The following CARMIL1 variants were observed in gnomAD, a reference collection of about 807,000 sequenced individuals.
The protein encoded by CARMIL1 is F-actin-uncapping protein LRRC16A.
A neutral mutation model predicts 177.1 loss-of-function variants in CARMIL1; 90 were observed. The observed-to-expected ratio is 0.51, with a 90% CI of 0.43 to 0.61. The LOEUF (loss-of-function observed/expected upper bound fraction) is 0.61, where lower values mean the gene tolerates loss of function less well. Ranked by LOEUF, CARMIL1 falls within the 20% of genes least tolerant of loss-of-function variation. The pLI, the probability that CARMIL1 is intolerant of heterozygous loss-of-function variation, is 0.00. For missense variants in CARMIL1, 1,380 were observed against 1,667.0 expected (o/e 0.83, Z 3.00); for synonymous variants, 577 against 606.2 (o/e 0.95, Z 0.71).
chr6:25,483,948 A>G (rs914600703), intron 12 of CARMIL1, among the ~76,000 whole-genome samples: 1 of 151,894 alleles, frequency 6.6e-6, no homozygotes, highest in Admixed American at 6.6e-5. Context: ...TTTTGTAGAG[A>G]CAGAGTTTCC....
intron 2 of CARMIL1, among the ~76,000 whole-genome samples, chr6:25,367,597 A>T (rs1266441726): frequency 6.6e-6 from 1 of 152,138 alleles, no homozygotes; most frequent in Non-Finnish European, 1.5e-5. Context: ...GAGGAAGGTA[A>T]GGAGGGTAAG....
intron 26 of CARMIL1, among the ~76,000 whole-genome samples, chr6:25,549,886 A>G (rs1263768125): frequency 6.6e-6 from 1 of 152,196 alleles, no homozygotes; most frequent in East Asian, 1.9e-4. Context: ...AATATCTGTG[A>G]TATACTGAGC....
At chr6:25,472,911 C>T (rs1389980339) in intron 11 of CARMIL1, among the ~76,000 whole-genome samples, 1 of 152,106 alleles carries the variant, frequency 6.6e-6, no homozygotes, top group Non-Finnish European at 1.5e-5. Context: ...CAAGACAAGG[C>T]AAGTTGTCAG....
At chr6:25,525,177 T>C (rs969991604) in intron 23 of CARMIL1, among the ~76,000 whole-genome samples, 3 of 152,072 alleles carry the variant, frequency 2.0e-5, no homozygotes, top group African/African-American at 7.2e-5. Context: ...CCCATAGGCA[T>C]AGCAAATTCA....
chr6:25,428,649 C>T (rs527499596), intron 4 of CARMIL1, among the ~76,000 whole-genome samples: 4 of 152,254 alleles, frequency 2.6e-5, no homozygotes, highest in Admixed American at 2.6e-4. Flanking sequence ...AGTCTTCGGA[C>T]CTAAGAAAAC....
chr6:25,551,025 G>C lies in CARMIL1; in HGVS notation c.2444G>C (p.Arg815Pro), dbSNP rs200837661. 3.7e-6 allele frequency: 6 copies of C among 1,613,278 alleles called. No individual in the cohort carries two copies. The highest frequency in any genetic ancestry group is 8.5e-7 in the Non-Finnish European group (1 of 1,179,536). Residue 815 changes from arginine to proline, a missense_variant, in exon 27 of 37, where the codon CGT becomes CCT. By Grantham distance (103) the Arg-to-Pro change is moderately radical. Transcript: ENST00000329474. ...HASTEKISIP[R>P]TFVKNVLLEQ... is the part of the protein sequence containing the mutation. The stretch of plus-strand genomic sequence containing the variant: ...AGCACCGAAAAGATTTCTATTCCAC[G>C]TACCTTTGTTAAAAATGTCCTGTTG...
At position 25,577,479 on chromosome 6, in the gene CARMIL1, T is replaced by TG. The variant is rs900744573; in HGVS notation, c.2743-3439dup. ...TTTTTTCTTTCTACAGCCTTGGTGGTGGGGGGAAGTAATTATGGATTCTTG... is the reference window on the plus strand; with the variant it reads ...TTTTTTCTTTCTACAGCCTTGGTGGTGGGGGGGAAGTAATTATGGATTCTTG... On this transcript the variant is annotated intron_variant, in intron 29 of 36. Coordinates refer to ENST00000329474, the MANE Select transcript of CARMIL1 (RefSeq NM_017640.6). This position sits in a 1 kb window ranked among gnomAD's most constrained non-coding sequence, Gnocchi z 4.5. Among the ~76,000 whole-genome samples the TG allele has an allele frequency of 6.6e-6, 1 of 151,744 alleles. No individual in the cohort carries two copies. The highest frequency in any genetic ancestry group is 2.1e-4 in the South Asian group (1 of 4,784).
intron 2 of CARMIL1, among the ~76,000 whole-genome samples, chr6:25,315,987 C>T (rs1784243290): frequency 1.3e-5 from 2 of 152,206 alleles, no homozygotes; most frequent in African/African-American, 4.8e-5. Flanking sequence ...CACTGTAAGC[C>T]TACCCTATTT....
At chr6:25,334,775 C>G (rs1191517489) in intron 2 of CARMIL1, among the ~76,000 whole-genome samples, 1 of 152,106 alleles carries the variant, frequency 6.6e-6, no homozygotes, top group Non-Finnish European at 1.5e-5. Context: ...CAGTGTTAAC[C>G]TGAGGTCTTT....
At chr6:25,361,660 A>G (rs73383427) in intron 2 of CARMIL1, among the ~76,000 whole-genome samples, 7,408 of 152,222 alleles carry the variant, frequency 0.049, 259 homozygotes, top group Middle Eastern at 0.11. Context: ...GTGTCCGCCA[A>G]ATTTCATGTG....
intron 26 of CARMIL1, among the ~76,000 whole-genome samples, chr6:25,548,479 T>C (rs532842280): frequency 1.3e-5 from 2 of 152,336 alleles, no homozygotes; most frequent in African/African-American, 4.8e-5. Flanking sequence ...GTATATGTTT[T>C]ATCATATGTA....
At chr6:25,588,191 C>A (rs1231498855) in intron 31 of CARMIL1, among the ~76,000 whole-genome samples, 2 of 152,142 alleles carry the variant, frequency 1.3e-5, no homozygotes, top group Non-Finnish European at 2.9e-5. Flanking sequence ...ATTTTTGTAT[C>A]CTCAAGCGTC....
intron 15 of CARMIL1, among the ~76,000 whole-genome samples, chr6:25,492,523 G>A (rs1203477534): frequency 5.3e-5 from 8 of 152,198 alleles, no homozygotes; most frequent in Admixed American, 4.6e-4. Flanking sequence ...TTCACAGACA[G>A]TAGCAACTTA....
Position 25,537,971 on chromosome 6 carries a change from G to T in CARMIL1, c.2184G>T (p.Lys728Asn). 3.1e-6 allele frequency: 5 copies of T among 1,601,688 alleles called. No individual in the cohort carries two copies. Among genetic ancestry groups the T allele is most frequent in the Non-Finnish European group, 4.3e-6 (5 of 1,174,104 alleles). ...KSAERLMRDAKNSKTLLPNLY... is the reference protein window; with the variant it reads ...KSAERLMRDANNSKTLLPNLY... Reference sequence around the variant, plus strand: ...CAGAGCGGCTCATGCGTGATGCTAAGAACTCTAAAACGGTGAGTTTCACTT... The same window carrying T: ...CAGAGCGGCTCATGCGTGATGCTAATAACTCTAAAACGGTGAGTTTCACTT... Residue 728 changes from lysine to asparagine, a missense_variant, in exon 25 of 37, where the codon AAG becomes AAT. Coordinates refer to ENST00000329474, the MANE Select transcript of CARMIL1 (RefSeq NM_017640.6).
rs559080855 is a variant in CARMIL1 at position 25,546,685 on chromosome 6, A to C, written c.2329-4225A>C. 8.1e-3 allele frequency among the ~76,000 whole-genome samples: 1,230 copies of C among 150,924 alleles called. 13 individuals are homozygous for C. The highest frequency in any genetic ancestry group is 0.031 in the Middle Eastern group (9 of 292). On this transcript the variant is annotated intron_variant, in intron 26 of 36. Coordinates refer to ENST00000329474, the MANE Select transcript of CARMIL1 (RefSeq NM_017640.6). The stretch of plus-strand genomic sequence containing the variant: ...CAACAACAACAAAAAAAAAAAAAAA[A>C]AAAAAATTGTGTTTCTATATGTCAG...
intron 15 of CARMIL1, among the ~76,000 whole-genome samples, chr6:25,492,568 A>C (rs1441857013): frequency 6.6e-6 from 1 of 152,188 alleles, no homozygotes; most frequent in Non-Finnish European, 1.5e-5. Context: ...TTATCAGAGG[A>C]ATTATGAAAA....
chr6:25,466,088 A>G (rs572243427), intron 9 of CARMIL1, 140 bp downstream of exon 9: 85 of 623,082 alleles, frequency 1.4e-4, no homozygotes, highest in African/African-American at 1.2e-3. Context: ...TTTCCTTTAA[A>G]TGATTTGCGT....
intron 2 of CARMIL1, among the ~76,000 whole-genome samples, chr6:25,365,069 C>G (rs1789634430): frequency 6.6e-6 from 1 of 152,174 alleles, no homozygotes; most frequent in African/African-American, 2.4e-5. Context: ...AATAAAGTCT[C>G]TCTTGTTTTT....
intron 17 of CARMIL1, among the ~76,000 whole-genome samples, chr6:25,502,200 G>T (rs1271645503): frequency 6.7e-6 from 1 of 150,074 alleles, no homozygotes; most frequent in Non-Finnish European, 1.5e-5. Context: ...ATTGGGGGAG[G>T]AGTGAGAGAT....
Sources: gnomAD v4.1 joint callset for allele counts (sites outside exome capture counted in the v4.1 genomes callset) on GRCh38, gnomAD v4.1.1 for gene constraint, Gnocchi (gnomAD v3.1) non-coding constraint, MANE v1.5 for transcripts, NCBI Gene and HGNC (gene_info 2026-07-23, HGNC 2026-07-21) for gene names.